AOAH: variants seen among roughly 807,000 people sequenced by gnomAD.
The protein encoded by AOAH is acyloxyacyl hydrolase (neutrophil).
AOAH carries 64 observed loss-of-function variants against 92.2 expected under a neutral mutation model. The ratio of observed to expected loss-of-function variants is 0.69; its 90% CI spans 0.57 to 0.86. The LOEUF is 0.86. Ranked by LOEUF, AOAH falls within the 40% of genes least tolerant of loss-of-function variation. The probability of loss-of-function intolerance (pLI) is 0.00; values close to 1 mark genes in which losing one functional copy is unlikely to be tolerated. For missense variants in AOAH, 656 were observed against 694.6 expected (o/e 0.94, Z 0.62); for synonymous variants, 263 against 254.5 (o/e 1.03, Z -0.32).
chr7:36,631,898 C>A (rs1583988525), intron 6 of AOAH, 138 bp downstream of exon 6: 4 of 668,336 alleles, frequency 6.0e-6, no homozygotes, highest in East Asian at 5.6e-5. Flanking sequence ...GGTTTCTGTG[C>A]AATGTTTTGA....
intron 11 of AOAH, among the ~76,000 whole-genome samples, chr7:36,601,987 C>T (rs556563937): frequency 6.6e-6 from 1 of 152,314 alleles, no homozygotes; most frequent in African/African-American, 2.4e-5. Context: ...GTACTACACA[C>T]CAGCAGATCA....
At chr7:36,533,213 C>T (rs1267416481) in intron 16 of AOAH, among the ~76,000 whole-genome samples, 1 of 151,904 alleles carries the variant, frequency 6.6e-6, no homozygotes, top group African/African-American at 2.4e-5. Flanking sequence ...GTGGCTGACA[C>T]ACAAAATCCA....
At position 36,715,412 on chromosome 7, in the gene AOAH, T is replaced by C. The variant is rs199793282; in HGVS notation, c.127+8610A>G. ...TGACCATACTGCCCAAGGTAATTTA[T>C]AGATTCAATGTCATCCCCATCAAGC... On this transcript the variant is annotated intron_variant, in intron 1 of 20. Coordinates refer to ENST00000617537, the MANE Select transcript of AOAH (RefSeq NM_001637.4). Among the ~76,000 whole-genome samples the C allele has an allele frequency of 4.4e-4, 67 of 152,222 alleles. 2 individuals are homozygous for C. In the East Asian group the frequency reaches 0.01, roughly 23 times the overall value.
chr7:36,694,047 C>T (rs1217882061), intron 1 of AOAH, among the ~76,000 whole-genome samples: 1 of 152,094 alleles, frequency 6.6e-6, no homozygotes, highest in African/African-American at 2.4e-5. Flanking sequence ...CATTAAGTTC[C>T]CCTTCCATTT....
chr7:36,645,836 T>C (rs1448222475), intron 4 of AOAH, among the ~76,000 whole-genome samples: 1 of 152,088 alleles, frequency 6.6e-6, no homozygotes, highest in Non-Finnish European at 1.5e-5. Context: ...TTTAAATGCA[T>C]CCCCTTTTAT....
At chr7:36,642,539 G>T (rs1793981630) in intron 4 of AOAH, among the ~76,000 whole-genome samples, 1 of 152,196 alleles carries the variant, frequency 6.6e-6, no homozygotes, top group Non-Finnish European at 1.5e-5. Context: ...AAGCAACCCA[G>T]TTGGTGGTCA....
chr7:36,517,228 C>CTTTCTCTCTTTCTTTCTG (rs200489121), intron 20 of AOAH, among the ~76,000 whole-genome samples: 1 of 54,784 alleles, frequency 1.8e-5, no homozygotes, highest in African/African-American at 6.0e-5. Flanking sequence ...TTCTTTCTGT[C>CTTTCTCTCTTTCTTTCTG]TCTCTCTCTC....
intron 16 of AOAH, among the ~76,000 whole-genome samples, chr7:36,536,356 A>G (rs573320790): frequency 6.6e-6 from 1 of 152,258 alleles, no homozygotes; most frequent in East Asian, 1.9e-4. Flanking sequence ...GCCCAAATAA[A>G]TGGACCTCAC....
chr7:36,704,566 G>T (rs772440662), intron 1 of AOAH, among the ~76,000 whole-genome samples: 13 of 152,068 alleles, frequency 8.5e-5, no homozygotes, highest in Non-Finnish European at 1.5e-4. Context: ...GAGGTACAAA[G>T]AGGAGGAGCT....
Position 36,576,535 on chromosome 7 carries a change from C to T in AOAH, c.1021+39G>A, listed in dbSNP as rs756049114. 8 of 1,210,304 alleles carry T rather than the reference C, an allele frequency of 6.6e-6. No homozygotes were observed. The African/African-American group carries it at 9.4e-5, about 14-fold the overall frequency. 75.0% of individuals were successfully genotyped at this position (1,210,304 alleles called of 1,614,324 possible). A position where few individuals can be genotyped will look rare whatever the true frequency, so the allele number is the denominator to read the frequency against. On this transcript the variant is annotated intron_variant, in intron 13 of 20. Transcript: ENST00000617537. ...ACTTATGAAATAAACTCAATCATTA[C>T]AGGAACATTGATGAAGGCTTAAATG...
chr7:36,530,524 G>C lies in AOAH; in HGVS notation c.1426-10C>G. On this transcript the variant is annotated splice_polypyrimidine_tract_variant and intron_variant, in intron 18 of 20. Transcript: ENST00000617537. The stretch of plus-strand genomic sequence containing the variant: ...AGAGTTGCTCTGCTCTCTGAAGAGA[G>C]AGGAAACAGGGAGAATTTCATGAAA... 3.8e-6 allele frequency: 6 copies of C among 1,577,882 alleles called. No individual in the cohort carries two copies. The highest frequency in any genetic ancestry group is 5.2e-6 in the Non-Finnish European group (6 of 1,148,012).
chr7:36,578,228 T>C (rs1422810186), intron 12 of AOAH, among the ~76,000 whole-genome samples: 1 of 151,250 alleles, frequency 6.6e-6, no homozygotes, highest in East Asian at 1.9e-4. Context: ...CCAAGTATTA[T>C]TCTAGGCACT....
chr7:36,552,013 G>C (rs1477911095), intron 13 of AOAH, among the ~76,000 whole-genome samples: 1 of 152,146 alleles, frequency 6.6e-6, no homozygotes, highest in Non-Finnish European at 1.5e-5. Context: ...CCATCACCCA[G>C]GTACTGAGCA....
At chr7:36,591,291 C>T (rs148574254) in intron 12 of AOAH, among the ~76,000 whole-genome samples, 3 of 152,244 alleles carry the variant, frequency 2.0e-5, no homozygotes, top group African/African-American at 7.2e-5. Context: ...GTGTGTGCCT[C>T]GTTAGAAATA....
intron 13 of AOAH, among the ~76,000 whole-genome samples, chr7:36,561,524 G>A (rs1642820781): frequency 6.6e-6 from 1 of 152,178 alleles, no homozygotes; most frequent in Non-Finnish European, 1.5e-5. Flanking sequence ...GAGGACAGAA[G>A]AGAAGGAGCA....
At chr7:36,612,462 T>G (rs1232583736) in intron 11 of AOAH, among the ~76,000 whole-genome samples, 1 of 152,208 alleles carries the variant, frequency 6.6e-6, no homozygotes, top group Non-Finnish European at 1.5e-5. Context: ...ATTTTTAGTT[T>G]CTTTCCTCAT....
chr7:36,621,911 A>C, intron 7 of AOAH, 131 bp from the exon 8 acceptor site: 1 of 759,944 alleles, frequency 1.3e-6, no homozygotes, highest in South Asian at 1.5e-5. Flanking sequence ...AGGATCACTA[A>C]AGAGCACTAA....
intron 11 of AOAH, among the ~76,000 whole-genome samples, chr7:36,602,456 T>C (rs1211890440): frequency 3.9e-5 from 6 of 151,982 alleles, no homozygotes; most frequent in African/African-American, 1.2e-4. Flanking sequence ...TTTTTTTTTT[T>C]TCATCCCCTA....
intron 3 of AOAH, among the ~76,000 whole-genome samples, chr7:36,669,974 C>A (rs960521840): frequency 6.6e-6 from 1 of 152,184 alleles, no homozygotes; most frequent in African/African-American, 2.4e-5. Context: ...AGCTGTGTCA[C>A]TGGCTGGGAT....
Sources: gnomAD v4.1 joint callset for allele counts (sites outside exome capture counted in the v4.1 genomes callset) on GRCh38, gnomAD v4.1.1 for gene constraint, MANE v1.5 for transcripts, NCBI Gene and HGNC (gene_info 2026-07-23, HGNC 2026-07-21) for gene names.